AGPS: variants seen among roughly 807,000 people sequenced by gnomAD.
The protein encoded by AGPS is alkyldihydroxyacetonephosphate synthase, peroxisomal.
A neutral mutation model predicts 90.7 loss-of-function variants in AGPS; 26 were observed. The ratio of observed to expected loss-of-function variants is 0.29; its 90% confidence interval spans 0.21 to 0.40. The LOEUF is 0.40. Ranked by LOEUF, AGPS falls within the 10% of genes least tolerant of loss-of-function variation. AGPS has a pLI of 1.00. For synonymous variants in AGPS, 294 were observed against 285.3 expected, an observed-to-expected ratio of 1.03 and a Z score of -0.31; for missense variants, 540 against 816.1, an observed-to-expected ratio of 0.66 and a Z score of 4.12.
chr2:177,446,283 A>G (rs1170296453), intron 8 of AGPS, among the ~76,000 whole-genome samples: 3 of 151,948 alleles, frequency 2.0e-5, no homozygotes, highest in African/African-American at 7.2e-5. Flanking sequence ...CCTCCCCAGT[A>G]GCTGGGACTA....
At chr2:177,479,857 T>C (rs1223705209) in intron 10 of AGPS, among the ~76,000 whole-genome samples, 1 of 152,208 alleles carries the variant, frequency 6.6e-6, no homozygotes, top group Admixed American at 6.5e-5. Context: ...GTAATGACAG[T>C]TGCACATGTC....
chr2:177,398,067 A>C (rs546850107), intron 1 of AGPS, among the ~76,000 whole-genome samples: 1 of 152,298 alleles, frequency 6.6e-6, no homozygotes, highest in South Asian at 2.1e-4. Context: ...ATTATTTAAC[A>C]TCTGCCGGAA....
intron 8 of AGPS, 46 bp from the exon 9 acceptor site, chr2:177,461,847 T>C: frequency 6.3e-7 from 1 of 1,576,852 alleles, no homozygotes; most frequent in Non-Finnish European, 8.7e-7. Context: ...GTGCTGTACG[T>C]AATGGGACCA....
intron 19 of AGPS, among the ~76,000 whole-genome samples, chr2:177,524,557 T>C (rs932470998): frequency 1.3e-4 from 20 of 151,602 alleles, no homozygotes; most frequent in African/African-American, 4.6e-4. Flanking sequence ...GTGTAGATTT[T>C]TAAATAGTTT....
intron 17 of AGPS, among the ~76,000 whole-genome samples, chr2:177,519,523 C>G (rs548376410): frequency 8.4e-4 from 128 of 152,188 alleles, no homozygotes; most frequent in African/African-American, 3.0e-3. Flanking sequence ...AGAAGAGTTT[C>G]TTCTAGTGCA....
intron 1 of AGPS, among the ~76,000 whole-genome samples, chr2:177,396,687 C>G (rs1685186515): frequency 6.6e-6 from 1 of 152,064 alleles, no homozygotes. Context: ...AAGATGATGG[C>G]AATGAGAATA....
chr2:177,468,195 T>C (rs1306354090), intron 9 of AGPS, among the ~76,000 whole-genome samples: 3 of 152,122 alleles, frequency 2.0e-5, no homozygotes, highest in African/African-American at 7.2e-5. Context: ...TCAAGAGATG[T>C]ACAATCTTAG....
At chr2:177,474,987 G>A (rs1258637212) in intron 10 of AGPS, among the ~76,000 whole-genome samples, 1 of 152,192 alleles carries the variant, frequency 6.6e-6, no homozygotes, top group East Asian at 1.9e-4. Context: ...GTTAAAGTCA[G>A]GGTTTATACT....
At chr2:177,407,317 A>G (rs7570297) in intron 1 of AGPS, among the ~76,000 whole-genome samples, 131,373 of 152,168 alleles carry the variant, frequency 0.86, 56,922 homozygotes, top group East Asian at 0.95. Context: ...ATATTAGACC[A>G]TTTTTGCATT....
intron 10 of AGPS, among the ~76,000 whole-genome samples, chr2:177,472,462 C>A (rs758579743): frequency 4.0e-5 from 6 of 151,854 alleles, no homozygotes; most frequent in Admixed American, 2.0e-4. Context: ...GGTATTTTTT[C>A]ATATCCCTGT....
chr2:177,461,315 T>C (rs984503377), intron 8 of AGPS, among the ~76,000 whole-genome samples: 1 of 152,226 alleles, frequency 6.6e-6, no homozygotes, highest in African/African-American at 2.4e-5. Context: ...TGTATAGTAA[T>C]GCATGATCTG....
intron 2 of AGPS, among the ~76,000 whole-genome samples, chr2:177,425,271 A>G (rs1007062972): frequency 6.6e-6 from 1 of 152,002 alleles, no homozygotes; most frequent in African/African-American, 2.4e-5. Context: ...TAAGGAAGGG[A>G]TATAGTTTCA....
In AGPS at chr2:177,392,795, G is replaced by T. The variant is rs755836525; in HGVS notation, c.6G>T (p.Ala2=). 6.7e-7 allele frequency: 1 copy of T among 1,498,108 alleles called. No homozygotes were observed. The highest frequency in any genetic ancestry group is 8.8e-7 in the Non-Finnish European group (1 of 1,136,932). The allele number at this position is 1,498,108 out of a possible 1,614,324, so 92.8% of individuals were successfully genotyped here. A position where few individuals can be genotyped will look rare whatever the true frequency, so the allele number is the denominator to read the frequency against. The change falls in exon 1 of 20, where the codon GCG becomes GCT. Residue 2 remains alanine (A), a synonymous_variant. Transcript: ENST00000264167. ...GGCAGCACAAGGCGGTAGCCATGGC[G>T]GAGGCGGCGGCTGCAGCGGGTGGGA... M[A]EAAAAAGGTG... is the part of the protein sequence containing the mutation.
chr2:177,420,325 A>C lies in AGPS; in HGVS notation c.317A>C (p.Asn106Thr). ...TATAATGATTCTAAATTCATCTTCA[A>C]TAAGAAGGGCCAAATTGAATTGACT... The part of the protein sequence containing the change: ...WGYNDSKFIF[N>T]KKGQIELTGK... The change falls in exon 2 of 20, where the codon AAT (asparagine) becomes ACT (threonine). Residue 106 changes from asparagine to threonine, a missense_variant. By Grantham distance (65) the Asn-to-Thr change is moderately conservative. This residue lies in a region of AGPS where 405 missense variants were observed against 692.1 expected (regional missense o/e 0.59). Coordinates refer to ENST00000264167, the MANE Select transcript of AGPS (RefSeq NM_003659.4). 1.2e-6 allele frequency: 2 copies of C among 1,610,700 alleles called. No individual in the cohort carries two copies. Among genetic ancestry groups the C allele is most frequent in the Non-Finnish European group, 1.7e-6 (2 of 1,177,394 alleles).
intron 1 of AGPS, among the ~76,000 whole-genome samples, chr2:177,400,583 C>G (rs1035654224): frequency 6.6e-6 from 1 of 152,062 alleles, no homozygotes; most frequent in African/African-American, 2.4e-5. Flanking sequence ...GGGTGAGATT[C>G]GGAGGGGTAG....
At chr2:177,449,877 G>A (rs1223580266) in intron 8 of AGPS, among the ~76,000 whole-genome samples, 1 of 150,042 alleles carries the variant, frequency 6.7e-6, no homozygotes. Flanking sequence ...TCGCTCTGTT[G>A]TCCAGGCTGG....
At chr2:177,450,289 TG>T (rs1335087950) in intron 8 of AGPS, among the ~76,000 whole-genome samples, 2 of 152,224 alleles carry the variant, frequency 1.3e-5, no homozygotes, top group East Asian at 3.8e-4. Context: ...CACTATCTTT[TG>T]AAGACCAGCT....
In AGPS at chr2:177,393,047, G is replaced by A. The variant is rs1685066744; in HGVS notation, c.258G>A (p.Lys86=). The A allele has an allele frequency of 3.9e-6, 6 of 1,550,388 alleles. No individual in the cohort carries two copies. Among genetic ancestry groups the A allele is most frequent in the East Asian group, 4.9e-5 (2 of 40,894 alleles). Residue 86 remains lysine (K), a splice_region_variant and synonymous_variant, in exon 1 of 20, where the codon AAG becomes AAA. Coordinates refer to ENST00000264167, the MANE Select transcript of AGPS (RefSeq NM_003659.4). ...AGGAGTCGGGCACCATCCCAAAGAAGCGGTGAGTAGCGGTATGTGGAAGGA... is the reference window on the plus strand; with the variant it reads ...AGGAGTCGGGCACCATCCCAAAGAAACGGTGAGTAGCGGTATGTGGAAGGA... ...AAQESGTIPK[K]RQEVMKWNGW...
At chr2:177,524,633 T>C (rs1440613285) in intron 19 of AGPS, among the ~76,000 whole-genome samples, 1 of 145,548 alleles carries the variant, frequency 6.9e-6, no homozygotes, top group Non-Finnish European at 1.5e-5. Flanking sequence ...CCTTATATCC[T>C]TTTTTTTCCT....
Sources: gnomAD v4.1 joint callset for allele counts (sites outside exome capture counted in the v4.1 genomes callset) on GRCh38, gnomAD v4.1.1 for gene constraint, gnomAD v4.1.1 regional missense constraint, MANE v1.5 for transcripts, NCBI Gene and HGNC (gene_info 2026-07-23, HGNC 2026-07-21) for gene names.